The following CHD7 variants were observed in gnomAD, a reference collection of about 807,000 sequenced individuals.
The protein encoded by CHD7 is chromodomain helicase DNA binding protein 7.
Under a neutral mutation model 307.3 loss-of-function variants are expected in CHD7, and 24 were observed. That is an observed-to-expected ratio of 0.08 (90% CI 0.06 to 0.11). The LOEUF is 0.11. CHD7 is among the 10% of genes least tolerant of loss of function. CHD7 has a pLI of 1.00. For synonymous variants in CHD7, 1,363 were observed against 1,349.9 expected (o/e 1.01, Z -0.21); for missense variants, 3,106 against 3,727.1 (o/e 0.83, Z 4.34).
intron 3 of CHD7, among the ~76,000 whole-genome samples, chr8:60,790,185 T>A (rs1811700869): frequency 6.6e-6 from 1 of 152,226 alleles, no homozygotes; most frequent in Admixed American, 6.5e-5. Context: ...TATCTCATTG[T>A]CTTGCTTCAT....
intron 1 of CHD7, among the ~76,000 whole-genome samples, chr8:60,692,777 G>A (rs1806266036): frequency 6.6e-6 from 1 of 152,054 alleles, no homozygotes; most frequent in South Asian, 2.1e-4. Flanking sequence ...TCCCTTCCAT[G>A]CTGCCTCAGT....
At chr8:60,734,917 G>T (rs182830359) in intron 1 of CHD7, among the ~76,000 whole-genome samples, 210 of 152,316 alleles carry the variant, frequency 1.4e-3, no homozygotes, top group Non-Finnish European at 2.2e-3. Flanking sequence ...GTGTGAAAGC[G>T]TTGAGACCAG....
At chr8:60,808,745 A>G (rs1213575163) in intron 7 of CHD7, 1 of 153,942 alleles carries the variant, frequency 6.5e-6, no homozygotes, top group Non-Finnish European at 1.4e-5. Flanking sequence ...TTTGTTTCTG[A>G]TATTTATTTA....
chr8:60,681,545 T>C (rs1805629601), intron 1 of CHD7, among the ~76,000 whole-genome samples: 1 of 152,182 alleles, frequency 6.6e-6, no homozygotes, highest in Non-Finnish European at 1.5e-5. Flanking sequence ...CCCTGAAAAA[T>C]CTGTCTTGTA....
At chr8:60,703,775 A>G (rs1806882692) in intron 1 of CHD7, among the ~76,000 whole-genome samples, 1 of 152,188 alleles carries the variant, frequency 6.6e-6, no homozygotes. Context: ...TGAGCCAGCT[A>G]CCAAGCCTGG....
intron 6 of CHD7, among the ~76,000 whole-genome samples, 162 bp downstream of exon 6, chr8:60,801,755 A>G (rs1812327445): frequency 6.6e-6 from 1 of 152,226 alleles, no homozygotes; most frequent in South Asian, 2.1e-4. Flanking sequence ...TCTTTGGGAT[A>G]TTTGACCCCA....
intron 6 of CHD7, among the ~76,000 whole-genome samples, chr8:60,802,632 G>A (rs1382501009): frequency 2.6e-5 from 4 of 152,172 alleles, no homozygotes; most frequent in African/African-American, 9.7e-5. Flanking sequence ...GATTACAGGT[G>A]TGAGCCATCC....
chr8:60,700,875 G>A (rs1354560795), intron 1 of CHD7, among the ~76,000 whole-genome samples: 2 of 152,200 alleles, frequency 1.3e-5, no homozygotes, highest in African/African-American at 2.4e-5. Context: ...AGACGTCAGG[G>A]GTACAGCTTT....
At chr8:60,679,706 G>C (rs1248237305) in intron 1 of CHD7, 1 of 147,388 alleles carries the variant, frequency 6.8e-6, no homozygotes, top group African/African-American at 2.4e-5. Context: ...CGCGCTCGCC[G>C]GGAGCTGCGG....
intron 2 of CHD7, among the ~76,000 whole-genome samples, chr8:60,761,138 T>G (rs949345293): frequency 1.3e-5 from 2 of 151,876 alleles, no homozygotes; most frequent in Admixed American, 6.6e-5. Flanking sequence ...GTGGCACATA[T>G]ACACCATGGA....
At chr8:60,847,959 GTCACCA>G (rs1805287546) in intron 23 of CHD7, among the ~76,000 whole-genome samples, 1 of 151,906 alleles carries the variant, frequency 6.6e-6, no homozygotes, top group South Asian at 2.1e-4. Context: ...ACCCCACCCT[GTCACCA>G]TCTTCCTTTC....
chr8:60,693,806 C>T lies in CHD7; in HGVS notation c.-175+14724C>T, dbSNP rs572283038. ...AATGTCAATAGTATAATGTTATATC[C>T]GAGGGAAAGTGATCCAACTAGCAGC... On this transcript the variant is annotated intron_variant, in intron 1 of 37. Coordinates refer to ENST00000423902, the MANE Select transcript of CHD7 (RefSeq NM_017780.4). Among the ~76,000 whole-genome samples the T allele has an allele frequency of 3.2e-4, 49 of 152,352 alleles. 1 individual carries two copies. In the South Asian group the frequency reaches 8.9e-3, roughly 28 times the overall value.
chr8:60,828,666 C>A lies in CHD7; in HGVS notation c.3382C>A (p.His1128Asn). ...LEGLKMMDLE[H>N]KVLLTGTPLQ... ...GGCTTTCCTTGTGTTACCTCAGGAA[C>A]ACAAAGTGCTGCTGACGGGAACCCC... is the stretch of plus-strand genomic sequence containing the variant. Residue 1128 changes from histidine to asparagine, a missense_variant, in exon 14 of 38, where the codon CAC becomes AAC. His to Asn is a moderately conservative substitution (Grantham distance 68). Coordinates refer to ENST00000423902, the MANE Select transcript of CHD7 (RefSeq NM_017780.4). The A allele has an allele frequency of 3.7e-6, 6 of 1,602,088 alleles. No individual in the cohort carries two copies. Among genetic ancestry groups the A allele is most frequent in the Non-Finnish European group, 5.1e-6 (6 of 1,175,008 alleles).
At chr8:60,776,542 T>C (rs1433253737) in intron 2 of CHD7, among the ~76,000 whole-genome samples, 1 of 152,190 alleles carries the variant, frequency 6.6e-6, no homozygotes, top group East Asian at 1.9e-4. Context: ...GGGACAGTTT[T>C]TAGAAAGCCT....
At chr8:60,698,183 G>A (rs1360077584) in intron 1 of CHD7, among the ~76,000 whole-genome samples, 1 of 152,184 alleles carries the variant, frequency 6.6e-6, no homozygotes, top group East Asian at 1.9e-4. Flanking sequence ...TTGTACATAA[G>A]CAAAAGTAGG....
chr8:60,752,356 T>C (rs1047940598), intron 2 of CHD7, among the ~76,000 whole-genome samples: 3 of 152,204 alleles, frequency 2.0e-5, no homozygotes, highest in Admixed American at 1.3e-4. Context: ...GCTTAACTTA[T>C]GCCTTTCCTG....
At chr8:60,748,043 A>G (rs771925125) in intron 2 of CHD7, among the ~76,000 whole-genome samples, 37 of 152,226 alleles carry the variant, frequency 2.4e-4, no homozygotes, top group Non-Finnish European at 3.8e-4. Flanking sequence ...GGTTTTAGTG[A>G]ACACTTATCA....
At chr8:60,730,592 G>A (rs1808398703) in intron 1 of CHD7, among the ~76,000 whole-genome samples, 2 of 152,192 alleles carry the variant, frequency 1.3e-5, no homozygotes, top group Admixed American at 6.5e-5. Context: ...CGGGCGTGGT[G>A]GCTCACGCCT....
intron 19 of CHD7, among the ~76,000 whole-genome samples, chr8:60,840,620 T>C (rs1474914780): frequency 9.3e-6 from 1 of 107,788 alleles, no homozygotes; most frequent in Non-Finnish European, 1.9e-5. Flanking sequence ...TTAAAGAATA[T>C]GTTTCTTTTT....
Sources: allele counts gnomAD v4.1 joint callset (sites outside exome capture counted in the v4.1 genomes callset), GRCh38; gene constraint gnomAD v4.1.1; transcripts MANE v1.5; gene names NCBI Gene and HGNC (gene_info 2026-07-23, HGNC 2026-07-21).